IFT172: variants seen among roughly 807,000 people sequenced by gnomAD.
IFT172 encodes the protein intraflagellar transport protein 172 homolog.
IFT172 carries 164 observed loss-of-function variants against 248.9 expected under a neutral mutation model. That is an observed-to-expected ratio of 0.66 (90% CI 0.58 to 0.75). The LOEUF is 0.75. Ranked by LOEUF, IFT172 falls within the 30% of genes least tolerant of loss-of-function variation. IFT172 has a pLI of 0.00. For missense variants in IFT172, 1,950 were observed against 2,192.4 expected (o/e 0.89, Z 2.21); for synonymous variants, 729 against 791.6 (o/e 0.92, Z 1.33).
chr2:27,457,038 C>T (rs1223179862), intron 29 of IFT172, among the ~76,000 whole-genome samples: 3 of 151,912 alleles, frequency 2.0e-5, no homozygotes, highest in Admixed American at 6.6e-5. Context: ...GAGCGAAACT[C>T]CATCTCAAAA....
intron 21 of IFT172, 39 bp downstream of exon 21, chr2:27,461,720 C>A (rs766862910): frequency 1.2e-6 from 2 of 1,613,106 alleles, no homozygotes; most frequent in Non-Finnish European, 1.7e-6. Flanking sequence ...ATTGGCAGAA[C>A]CAAATTCTGA....
At chr2:27,462,356 G>A (rs1435990763) in intron 20 of IFT172, among the ~76,000 whole-genome samples, 1 of 152,076 alleles carries the variant, frequency 6.6e-6, no homozygotes, top group African/African-American at 2.4e-5. Flanking sequence ...CTTAAAGAGA[G>A]CTCCTCAAAT....
In IFT172 at chr2:27,450,032, C is replaced by T; in HGVS notation, c.4016G>A (p.Gly1339Glu). ...CTTTCCAATTCCAATCAGCTGGGGT[C>T]CTACAGCCAGAACGACTTCCATATT... is the stretch of plus-strand genomic sequence containing the variant. Reference protein sequence around the residue: ...QRNMEVVLAVGPQLIGIGKHS... With the variant: ...QRNMEVVLAVEPQLIGIGKHS... The change falls in exon 36 of 48, where the codon GGA becomes GAA. Residue 1339 changes from glycine (G) to glutamate (E), a missense_variant. Around this residue, in one of 3 missense-constraint regions of IFT172, gnomAD observed 620 missense variants for 699.0 expected, o/e 0.89. Transcript: ENST00000260570. The T allele has an allele frequency of 6.2e-7, 1 of 1,614,148 alleles. No homozygotes were observed. The highest frequency in any genetic ancestry group is 8.5e-7 in the Non-Finnish European group (1 of 1,180,016).
At chr2:27,457,432 G>C (rs1666247601) in intron 29 of IFT172, among the ~76,000 whole-genome samples, 1 of 152,154 alleles carries the variant, frequency 6.6e-6, no homozygotes, top group Non-Finnish European at 1.5e-5. Context: ...TTAGCCAGCT[G>C]TGGTGGTGCA....
chr2:27,458,923 T>C lies in IFT172; in HGVS notation c.2788-55A>G. 1.9e-6 allele frequency: 3 copies of C among 1,589,474 alleles called. 1 individual carries two copies. The highest frequency in any genetic ancestry group is 1.1e-5 in the South Asian group (1 of 88,690). ...GTCAGAGCAACAGACTTAAAGCAGCTTGAATGAGGAAAGAACAAACCTTGG... is the reference window on the plus strand; with the variant it reads ...GTCAGAGCAACAGACTTAAAGCAGCCTGAATGAGGAAAGAACAAACCTTGG... On this transcript the variant is annotated intron_variant, in intron 25 of 47. Coordinates refer to ENST00000260570, the MANE Select transcript of IFT172 (RefSeq NM_015662.3).
chr2:27,444,511 C>A lies in IFT172; in HGVS notation c.5171G>T (p.Ser1724Ile), dbSNP rs764640478. The change falls in exon 48 of 48, where the codon AGC becomes ATC. Residue 1724 changes from serine to isoleucine, a missense_variant. This residue lies in a region of IFT172 where 620 missense variants were observed against 699.0 expected (regional missense o/e 0.89). Coordinates refer to ENST00000260570, the MANE Select transcript of IFT172 (RefSeq NM_015662.3). ...TTTCAGCACGTCCTGGCACACTGGG[C>A]TGTGGGAGGTCTGTGAGCAAATGGA... Reference protein sequence around the residue: ...KFLMAIKTSHSPVCQDVLKFI... With the variant: ...KFLMAIKTSHIPVCQDVLKFI... 1 of 1,613,350 alleles carries A rather than the reference C, an allele frequency of 6.2e-7. No homozygotes were observed. The highest frequency in any genetic ancestry group is 1.3e-5 in the African/African-American group (1 of 74,998).
At chr2:27,485,336 G>C in intron 2 of IFT172, 24 bp downstream of exon 2, 1 of 1,613,448 alleles carries the variant, frequency 6.2e-7, no homozygotes, top group Non-Finnish European at 8.5e-7. Context: ...GGTTAAATAA[G>C]GTACACATGA....
chr2:27,482,324 CTT>C (rs1416997216), intron 7 of IFT172, among the ~76,000 whole-genome samples: 3 of 149,904 alleles, frequency 2.0e-5, no homozygotes, highest in Non-Finnish European at 3.0e-5. Context: ...GCATTTCACT[CTT>C]GTTGCCCAGT....
At chr2:27,485,310 TG>T in intron 2 of IFT172, 49 bp downstream of exon 2, 1 of 1,609,650 alleles carries the variant, frequency 6.2e-7, no homozygotes, top group African/African-American at 1.3e-5. Flanking sequence ...TTTCAAGTTG[TG>T]AGACCCCATC....
In IFT172 at chr2:27,461,307, T is replaced by C. The variant is rs1666644799; in HGVS notation, c.2404A>G (p.Ile802Val). The change falls in exon 22 of 48, where the codon ATC becomes GTC. Residue 802 changes from isoleucine to valine, a missense_variant. By Grantham distance (29) the Ile-to-Val change is conservative. Transcript: ENST00000260570. ...LLANTELVEH[I>V]TAALIKGELY... ...TCCCCCTTGATAAGGGCTGCAGTGA[T>C]GTGTTCTACCAGCTCTGTGTTGGCT... 6.2e-7 allele frequency: 1 copy of C among 1,614,140 alleles called. No homozygotes were observed. Among genetic ancestry groups the C allele is most frequent in the Non-Finnish European group, 8.5e-7 (1 of 1,180,004 alleles).
In IFT172 at chr2:27,445,184, G is replaced by A; in HGVS notation, c.5069-79C>T. ...AAAATGAGGAGCAGCCTGGGGGGTA[G>A]AAAGCACAGTCCTGTCTTTTGTACC... On this transcript the variant is annotated intron_variant, in intron 46 of 47. Transcript: ENST00000260570. This position sits in a 1 kb window ranked among gnomAD's most constrained non-coding sequence, Gnocchi z 4.4. 1 of 1,596,226 alleles carries A rather than the reference G, an allele frequency of 6.3e-7. No homozygotes were observed. Among genetic ancestry groups the A allele is most frequent in the African/African-American group, 1.3e-5 (1 of 74,536 alleles).
chr2:27,453,744 T>C lies in IFT172; in HGVS notation c.3712-5A>G, dbSNP rs1310227546. 6 of 1,610,010 alleles carry C rather than the reference T, an allele frequency of 3.7e-6. No homozygotes were observed. The African/African-American group carries it at 4.0e-5, about 11-fold the overall frequency. On this transcript the variant is annotated splice_polypyrimidine_tract_variant and splice_region_variant and intron_variant, in intron 33 of 47. Transcript: ENST00000260570. The stretch of plus-strand genomic sequence containing the variant: ...GTCACTCCATAATCCAGCCTCCTGC[T>C]CAGATTTCCAGGTATCAAGAGGGCA...
chr2:27,489,582 A>T (rs369166902), intron 1 of IFT172, 33 bp downstream of exon 1: 3 of 1,577,356 alleles, frequency 1.9e-6, no homozygotes, highest in African/African-American at 1.3e-5. Flanking sequence ...AACATAAAGC[A>T]TAAGGGGGAG....
At chr2:27,483,838 AC>A in intron 5 of IFT172, 33 bp downstream of exon 5, 1 of 1,551,402 alleles carries the variant, frequency 6.4e-7, no homozygotes, top group Non-Finnish European at 8.9e-7. Flanking sequence ...TATCCCTACC[AC>A]CCCCTCTCTT....
chr2:27,472,741 G>A (rs1207363785), intron 14 of IFT172, among the ~76,000 whole-genome samples: 3 of 152,226 alleles, frequency 2.0e-5, no homozygotes, highest in Non-Finnish European at 4.4e-5. Flanking sequence ...AATGCCTACT[G>A]TGTAAGAGCA....
At chr2:27,455,685 TG>T in intron 30 of IFT172, 1 of 277,636 alleles carries the variant, frequency 3.6e-6, no homozygotes, top group South Asian at 3.3e-5. Context: ...CACTCCAGCC[TG>T]GGCAACAGAG....
At position 27,461,241 on chromosome 2, in the gene IFT172, A is replaced by G. The variant is rs764737894; in HGVS notation, c.2442+28T>C. ...GGGAAGGGTCCTGAGCTCTGGAGAT[A>G]AGGGCTAGGAAAAGGAAGCCAGCAT... On this transcript the variant is annotated intron_variant, in intron 22 of 47. Coordinates refer to ENST00000260570, the MANE Select transcript of IFT172 (RefSeq NM_015662.3). 3.3e-5 allele frequency: 54 copies of G among 1,612,948 alleles called. No individual in the cohort carries two copies. The South Asian group carries it at 5.4e-4, about 16-fold the overall frequency.
intron 15 of IFT172, chr2:27,471,548 G>C (rs1389698502): frequency 5.9e-6 from 1 of 168,110 alleles, no homozygotes; most frequent in Non-Finnish European, 1.3e-5. Context: ...CCTCCAGCCA[G>C]TTCATGCTAT....
chr2:27,483,629 A>T lies in IFT172; in HGVS notation c.433T>A (p.Ser145Thr). The change falls in exon 6 of 48, where the codon TCA becomes ACA. Residue 145 changes from serine (S) to threonine (T), a missense_variant. Transcript: ENST00000260570. The part of the protein sequence containing the change: ...VRLANTKTNK[S>T]STIYGTESYV... ...GACTCTGTCCCATAGATGGTAGATG[A>T]TTTATTAGTTTTGGTGTTTGCTAAA... 1 of 1,614,158 alleles carries T rather than the reference A, an allele frequency of 6.2e-7. No homozygotes were observed.
Sources: gnomAD v4.1 joint callset for allele counts (sites outside exome capture counted in the v4.1 genomes callset) on GRCh38, gnomAD v4.1.1 for gene constraint, gnomAD v4.1.1 regional missense constraint, Gnocchi (gnomAD v3.1) non-coding constraint, MANE v1.5 for transcripts, NCBI Gene and HGNC (gene_info 2026-07-23, HGNC 2026-07-21) for gene names.